Variants in HMGCLL1 observed in about 807,000 individuals in gnomAD.
HMGCLL1 encodes the protein 3-hydroxy-3-methylglutaryl-CoA lyase like 1, also known as 3-hydroxymethyl-3-methylglutaryl-CoA lyase, cytoplasmic.
HMGCLL1 carries 36 observed loss-of-function variants against 39.1 expected under a neutral mutation model. That is an observed-to-expected ratio of 0.92 (90% CI 0.71 to 1.22). HMGCLL1 has a LOEUF of 1.22. Among genes scored for constraint, HMGCLL1 ranks in the 50% most tolerant of loss-of-function variants. The probability of loss-of-function intolerance (pLI) is 0.00; values close to 1 mark genes in which losing one functional copy is unlikely to be tolerated. For missense variants in HMGCLL1, 451 were observed against 416.5 expected (o/e 1.08, Z -0.72); for synonymous variants, 149 against 144.0 (o/e 1.03, Z -0.25).
At chr6:55,661,466 TG>T in the HMGCLL1 span, among the ~76,000 whole-genome samples, 1 of 151,416 alleles carries the variant, frequency 6.6e-6, no homozygotes, top group Non-Finnish European at 1.5e-5. Context: ...ATTCATTGAA[TG>T]AGTTCTTTCC....
chr6:55,437,826 G>T (rs766666778), intron 8 of HMGCLL1, among the ~76,000 whole-genome samples: 4 of 152,030 alleles, frequency 2.6e-5, no homozygotes, highest in Non-Finnish European at 4.4e-5. Flanking sequence ...AAGAGATGCA[G>T]ACCTGCATCA....
intron 1 of HMGCLL1, among the ~76,000 whole-genome samples, chr6:55,553,621 A>T (rs774816479): frequency 6.6e-6 from 1 of 152,148 alleles, no homozygotes; most frequent in Non-Finnish European, 1.5e-5. Flanking sequence ...TGTTTTAAGG[A>T]TTAAATGAGA....
At chr6:55,503,622 C>T (rs539457250) in intron 5 of HMGCLL1, among the ~76,000 whole-genome samples, 2 of 151,772 alleles carry the variant, frequency 1.3e-5, no homozygotes, top group South Asian at 2.1e-4. Context: ...ACCCCAGGAT[C>T]AACCCCAAAG....
At chr6:55,665,122 C>T in the HMGCLL1 span, among the ~76,000 whole-genome samples, 1 of 151,680 alleles carries the variant, frequency 6.6e-6, no homozygotes, top group Admixed American at 6.6e-5. Context: ...TTTCCCCTCC[C>T]TGCTTAGAAT....
At chr6:55,507,141 A>G (rs9475323) in intron 5 of HMGCLL1, among the ~76,000 whole-genome samples, 102,371 of 151,566 alleles carry the variant, frequency 0.68, 34,612 homozygotes, top group Non-Finnish European at 0.7. Context: ...ACCCCAAGCC[A>G]TTACTGCAGG....
the HMGCLL1 span, among the ~76,000 whole-genome samples, chr6:55,660,842 A>T: frequency 4.6e-5 from 7 of 151,878 alleles, no homozygotes; most frequent in East Asian, 3.9e-4. Context: ...CCGCCAATGG[A>T]TTATAAGCAT....
chr6:55,660,645 C>A, the HMGCLL1 span, among the ~76,000 whole-genome samples: 1 of 151,814 alleles, frequency 6.6e-6, no homozygotes, highest in Non-Finnish European at 1.5e-5. Context: ...GATTCCATGT[C>A]TCTGCTATTG....
At chr6:55,444,692 A>C (rs62417204) in intron 7 of HMGCLL1, among the ~76,000 whole-genome samples, 1 of 152,004 alleles carries the variant, frequency 6.6e-6, no homozygotes, top group African/African-American at 2.4e-5. Context: ...CTGTTTTCCA[A>C]TGCCTCCACA....
chr6:55,444,310 A>G (rs1763724178), intron 7 of HMGCLL1, among the ~76,000 whole-genome samples: 1 of 152,034 alleles, frequency 6.6e-6, no homozygotes, highest in Admixed American at 6.6e-5. Flanking sequence ...TATTTAACAA[A>G]TCCTAGAAAA....
At chr6:55,576,098 G>A (rs1156350197) in intron 1 of HMGCLL1, among the ~76,000 whole-genome samples, 1 of 152,114 alleles carries the variant, frequency 6.6e-6, no homozygotes, top group African/African-American at 2.4e-5. Context: ...TATCTGCAAA[G>A]CAATTAAATA....
intron 1 of HMGCLL1, among the ~76,000 whole-genome samples, chr6:55,569,135 C>G (rs918109190): frequency 6.6e-6 from 1 of 152,098 alleles, no homozygotes; most frequent in African/African-American, 2.4e-5. Context: ...TATTGGAAAC[C>G]AAGTTGTTTT....
At chr6:55,632,260 A>C in the HMGCLL1 span, among the ~76,000 whole-genome samples, 1 of 152,048 alleles carries the variant, frequency 6.6e-6, no homozygotes, top group African/African-American at 2.4e-5. Flanking sequence ...AATTTAAAAC[A>C]TAATAAAGAA....
At chr6:55,639,795 T>G in the HMGCLL1 span, among the ~76,000 whole-genome samples, 1 of 151,980 alleles carries the variant, frequency 6.6e-6, no homozygotes, top group Non-Finnish European at 1.5e-5. Flanking sequence ...AAGAGAAACG[T>G]GGGCCAGGCA....
At chr6:55,657,849 C>T in the HMGCLL1 span, among the ~76,000 whole-genome samples, 5 of 151,476 alleles carry the variant, frequency 3.3e-5, no homozygotes, top group Admixed American at 3.3e-4. Flanking sequence ...TAAGTGGGAA[C>T]CAAAACATGA....
chr6:55,614,964 G>C, the HMGCLL1 span, among the ~76,000 whole-genome samples: 1 of 151,730 alleles, frequency 6.6e-6, no homozygotes, highest in Non-Finnish European at 1.5e-5. Flanking sequence ...AGTATAACAA[G>C]ACCCCATCTC....
chr6:55,578,881 G>T lies in HMGCLL1; in HGVS notation c.108+67C>A. On this transcript the variant is annotated intron_variant, in intron 1 of 8. Transcript: ENST00000274901. ...AAAGGGAGGAGGGCACCAAGAGGTT[G>T]CAGGGAGAGAGGCTGGCTGTCAGTG... 3 of 1,157,694 alleles carry T rather than the reference G, an allele frequency of 2.6e-6. 1 individual carries two copies. The South Asian group carries it at 3.8e-5, about 15-fold the overall frequency. 71.7% of individuals were successfully genotyped at this position (1,157,694 alleles called of 1,614,324 possible). A position where few individuals can be genotyped will look rare whatever the true frequency, so the allele number is the denominator to read the frequency against.
intron 1 of HMGCLL1, among the ~76,000 whole-genome samples, chr6:55,542,916 T>C (rs1179082958): frequency 3.8e-5 from 5 of 130,576 alleles, no homozygotes; most frequent in Non-Finnish European, 7.8e-5. Flanking sequence ...ATATTGTTAT[T>C]AGATTGTTAT....
At chr6:55,508,145 A>G (rs1767262542) in intron 5 of HMGCLL1, among the ~76,000 whole-genome samples, 1 of 151,768 alleles carries the variant, frequency 6.6e-6, no homozygotes, top group South Asian at 2.1e-4. Context: ...CCTGGTTAAC[A>G]AGGATAACCA....
chr6:55,540,831 G>T (rs1287074476), intron 3 of HMGCLL1, among the ~76,000 whole-genome samples: 1 of 152,126 alleles, frequency 6.6e-6, no homozygotes, highest in Admixed American at 6.6e-5. Flanking sequence ...AAATGCAAAT[G>T]ACTGTTGGTA....
Sources: allele counts gnomAD v4.1 joint callset (sites outside exome capture counted in the v4.1 genomes callset), GRCh38; gene constraint gnomAD v4.1.1; transcripts MANE v1.5; gene names NCBI Gene and HGNC (gene_info 2026-07-23, HGNC 2026-07-21).